Variants in NTRK2 observed in about 807,000 individuals in gnomAD.
NTRK2 encodes BDNF/NT-3 growth factors receptor.
NTRK2 carries 13 observed loss-of-function variants against 94.5 expected under a neutral mutation model. The ratio of observed to expected loss-of-function variants is 0.14; its 90% confidence interval spans 0.09 to 0.22. NTRK2 has a LOEUF of 0.22. Ranked by LOEUF, NTRK2 falls within the 10% of genes least tolerant of loss-of-function variation. The pLI is 1.00. For missense variants in NTRK2, 639 were observed against 1,071.2 expected (o/e 0.60, Z 5.63); for synonymous variants, 372 against 407.4 (o/e 0.91, Z 1.05).
intron 14 of NTRK2, among the ~76,000 whole-genome samples, chr9:84,905,876 G>T (rs1237728843): frequency 1.3e-5 from 2 of 152,188 alleles, no homozygotes; most frequent in Non-Finnish European, 2.9e-5. Flanking sequence ...CTGCTGATTG[G>T]ATGTATAATA....
At chr9:84,688,546 G>A (rs564388352) in intron 2 of NTRK2, among the ~76,000 whole-genome samples, 12 of 152,260 alleles carry the variant, frequency 7.9e-5, no homozygotes, top group Non-Finnish European at 1.5e-5. Flanking sequence ...CAGATCACAA[G>A]CAAAGCATAG....
At chr9:84,765,852 C>T (rs777468345) in intron 12 of NTRK2, among the ~76,000 whole-genome samples, 3 of 152,048 alleles carry the variant, frequency 2.0e-5, no homozygotes, top group Non-Finnish European at 1.5e-5. Context: ...ATACCTATTA[C>T]ATCATACTGT....
intron 12 of NTRK2, among the ~76,000 whole-genome samples, chr9:84,851,997 T>C (rs2074798137): frequency 6.6e-6 from 1 of 152,202 alleles, no homozygotes; most frequent in African/African-American, 2.4e-5. Flanking sequence ...TAACAAAGCT[T>C]ATGCAAGAAA....
At chr9:84,869,814 C>T (rs1259925247) in intron 14 of NTRK2, among the ~76,000 whole-genome samples, 1 of 152,048 alleles carries the variant, frequency 6.6e-6, no homozygotes, top group African/African-American at 2.4e-5. Flanking sequence ...AAAGATGACT[C>T]ATAATCATTT....
chr9:84,889,285 C>T (rs977337270), intron 14 of NTRK2, among the ~76,000 whole-genome samples: 5 of 150,526 alleles, frequency 3.3e-5, no homozygotes, highest in South Asian at 2.1e-4. Flanking sequence ...CCACCGCGCC[C>T]GGCCCAATGA....
intron 14 of NTRK2, among the ~76,000 whole-genome samples, chr9:84,932,405 A>G (rs1363419216): frequency 6.6e-6 from 1 of 152,180 alleles, no homozygotes; most frequent in Non-Finnish European, 1.5e-5. Context: ...ATGTAGGTAC[A>G]ATCAGGAAAG....
At chr9:84,983,568 C>T (rs772339596) in intron 17 of NTRK2, among the ~76,000 whole-genome samples, 13 of 152,156 alleles carry the variant, frequency 8.5e-5, no homozygotes, top group Non-Finnish European at 1.8e-4. Flanking sequence ...TTGAAGATCT[C>T]AGTGATCAAA....
chr9:84,941,260 A>C (rs1009406967), intron 15 of NTRK2, among the ~76,000 whole-genome samples: 1 of 152,174 alleles, frequency 6.6e-6, no homozygotes, highest in African/African-American at 2.4e-5. Flanking sequence ...TGCATGCAGG[A>C]GTGCACTGTA....
At chr9:84,988,456 ACT>A (rs200033584) in intron 17 of NTRK2, among the ~76,000 whole-genome samples, 2,848 of 152,178 alleles carry the variant, frequency 0.019, 51 homozygotes, top group Middle Eastern at 0.044. Flanking sequence ...ACACACACAC[ACT>A]CACACTCACT....
At chr9:84,708,201 A>G (rs562169082) in intron 5 of NTRK2, among the ~76,000 whole-genome samples, 3 of 152,350 alleles carry the variant, frequency 2.0e-5, no homozygotes, top group East Asian at 1.9e-4. Flanking sequence ...AAAAAAGAGA[A>G]AAAGAAGGGG....
chr9:84,699,738 A>G (rs1354762826), intron 2 of NTRK2, among the ~76,000 whole-genome samples: 1 of 149,388 alleles, frequency 6.7e-6, no homozygotes, highest in East Asian at 2.0e-4. Context: ...TTTATTTTTA[A>G]TTTATTTTTA....
At chr9:84,737,502 G>T (rs1361619783) in intron 9 of NTRK2, among the ~76,000 whole-genome samples, 1 of 152,168 alleles carries the variant, frequency 6.6e-6, no homozygotes, top group Non-Finnish European at 1.5e-5. Flanking sequence ...AGAGGAAAGT[G>T]ATTCCATCTT....
intron 12 of NTRK2, among the ~76,000 whole-genome samples, chr9:84,842,568 G>A (rs1288991995): frequency 6.6e-6 from 1 of 152,026 alleles, no homozygotes; most frequent in Non-Finnish European, 1.5e-5. Context: ...CACCCATAGT[G>A]CTGCTTCCCT....
chr9:85,021,404 G>A lies in NTRK2; in HGVS notation c.2484G>A (p.Lys828=), dbSNP rs926486304. 1 of 1,614,024 alleles carries A rather than the reference G, an allele frequency of 6.2e-7. No homozygotes were observed. The highest frequency in any genetic ancestry group is 8.5e-7 in the Non-Finnish European group (1 of 1,180,022). The change falls in exon 19 of 19, where the codon AAG becomes AAA. Residue 828 remains lysine, a synonymous_variant. Coordinates refer to ENST00000277120, the MANE Select transcript of NTRK2 (RefSeq NM_006180.6). ...ATACCCTCCTTCAGAACTTGGCCAA[G>A]GCATCTCCGGTCTACCTGGACATTC... ...GIHTLLQNLA[K]ASPVYLDILG
intron 2 of NTRK2, among the ~76,000 whole-genome samples, chr9:84,688,559 C>T (rs770677143): frequency 8.5e-5 from 13 of 152,192 alleles, no homozygotes; most frequent in African/African-American, 1.2e-4. Context: ...AAGCATAGAT[C>T]TGTCCCCAGC....
intron 14 of NTRK2, among the ~76,000 whole-genome samples, chr9:84,902,246 T>C (rs1329217975): frequency 8.6e-5 from 13 of 151,952 alleles, no homozygotes; most frequent in South Asian, 2.1e-4. Flanking sequence ...ATCAATACTA[T>C]TGGTGTTTTC....
chr9:84,752,223 T>G (rs2064692292), intron 12 of NTRK2, 138 bp downstream of exon 12: 1 of 735,610 alleles, frequency 1.4e-6, no homozygotes, highest in African/African-American at 1.7e-5. Flanking sequence ...AACAAGGCTT[T>G]GATACTACAA....
intron 6 of NTRK2, among the ~76,000 whole-genome samples, chr9:84,714,107 G>A (rs146929308): frequency 5.9e-4 from 90 of 152,140 alleles, no homozygotes; most frequent in Middle Eastern, 3.4e-3. Flanking sequence ...CTTGTGTACC[G>A]CATTATGGGA....
chr9:84,970,526 A>T (rs968826519), intron 17 of NTRK2, among the ~76,000 whole-genome samples: 2 of 152,152 alleles, frequency 1.3e-5, no homozygotes, highest in South Asian at 4.2e-4. Context: ...TATTGTAACT[A>T]TCTGTGCATA....
Sources: allele counts gnomAD v4.1 joint callset (sites outside exome capture counted in the v4.1 genomes callset), GRCh38; gene constraint gnomAD v4.1.1; transcripts MANE v1.5; gene names NCBI Gene and HGNC (gene_info 2026-07-23, HGNC 2026-07-21).